Variants in WDSUB1 observed in about 807,000 individuals in gnomAD.
WDSUB1 encodes the protein WD repeat, sterile alpha motif and U-box domain containing 1.
A neutral mutation model predicts 53.9 loss-of-function variants in WDSUB1; 49 were observed. That is an observed-to-expected ratio of 0.91 (90% confidence interval 0.72 to 1.15). WDSUB1 has a LOEUF of 1.15. Ranked by LOEUF, WDSUB1 falls within the 50% of genes most tolerant of loss-of-function variation. The pLI is 0.00. For missense variants in WDSUB1, 514 were observed against 562.0 expected, an observed-to-expected ratio of 0.91 and a Z score of 0.86; for synonymous variants, 194 against 200.6, an observed-to-expected ratio of 0.97 and a Z score of 0.28.
intron 9 of WDSUB1, among the ~76,000 whole-genome samples, chr2:159,249,960 A>G (rs1041380901): frequency 2.0e-5 from 3 of 151,756 alleles, no homozygotes; most frequent in Admixed American, 6.6e-5. Context: ...GTGTTGGCAC[A>G]TGCCTGTAAT....
At chr2:159,245,344 G>A (rs1002962535) in intron 10 of WDSUB1, among the ~76,000 whole-genome samples, 17 of 151,806 alleles carry the variant, frequency 1.1e-4, no homozygotes, top group African/African-American at 1.5e-4. Context: ...CCTGACCAAC[G>A]TGGCGAAACC....
chr2:159,265,126 A>C (rs6725765), intron 5 of WDSUB1, among the ~76,000 whole-genome samples: 59,623 of 139,598 alleles, frequency 0.43, 13,436 homozygotes, highest in Non-Finnish European at 0.54. Flanking sequence ...ACAACAACAA[A>C]AAAAAACAAC....
chr2:159,249,638 G>T (rs2151071520), intron 9 of WDSUB1, among the ~76,000 whole-genome samples: 1 of 152,296 alleles, frequency 6.6e-6, no homozygotes, highest in East Asian at 1.9e-4. Flanking sequence ...GAGGGCAGAT[G>T]TTTCCTGACT....
chr2:159,236,346 C>A (rs2151024661), intron 10 of WDSUB1, among the ~76,000 whole-genome samples, 156 bp from the exon 11 acceptor site: 1 of 152,296 alleles, frequency 6.6e-6, no homozygotes, highest in Admixed American at 6.5e-5. Context: ...AATCTCTCTG[C>A]CACAACACCT....
rs754788976 is a variant in WDSUB1, at chr2:159,275,621, G to GTTCTCC, written c.600_601insGGAGAA (p.Leu200_Gln201insGlyGlu). On this transcript the variant is annotated inframe_insertion, in exon 4 of 11. Transcript: ENST00000359774. ...CCACATGATGCCAGTCGAAAAAACT[G>GTTCTCC]AAGACCTTGTTCTCCATCTAAAATT... 3.1e-6 allele frequency: 5 copies of GTTCTCC among 1,601,440 alleles called. No homozygotes were observed. The African/African-American group carries it at 6.8e-5, about 22-fold the overall frequency.
At chr2:159,248,961 G>T (rs142756379) in intron 9 of WDSUB1, among the ~76,000 whole-genome samples, 4 of 152,062 alleles carry the variant, frequency 2.6e-5, no homozygotes, top group African/African-American at 9.7e-5. Context: ...CTGTTTTACC[G>T]CATGAACTAT....
chr2:159,247,892 T>TATATATATATATAAAA (rs2060839449), intron 10 of WDSUB1, among the ~76,000 whole-genome samples: 1 of 28,368 alleles, frequency 3.5e-5, no homozygotes, highest in East Asian at 8.5e-4. Flanking sequence ...AATAAATATA[T>TATATATATATATAAAA]ATATATATAT....
chr2:159,272,669 A>T (rs2061467443), intron 4 of WDSUB1, among the ~76,000 whole-genome samples: 1 of 152,202 alleles, frequency 6.6e-6, no homozygotes, highest in Admixed American at 6.5e-5. Flanking sequence ...CAAAAGACTT[A>T]AAAAAATGCT....
At chr2:159,274,324 T>C (rs2061498104) in intron 4 of WDSUB1, among the ~76,000 whole-genome samples, 1 of 152,046 alleles carries the variant, frequency 6.6e-6, no homozygotes, top group South Asian at 2.1e-4. Flanking sequence ...AGAAACAAAC[T>C]GAGACACTGT....
At chr2:159,253,395 T>C (rs559051227) in intron 9 of WDSUB1, among the ~76,000 whole-genome samples, 60 of 152,222 alleles carry the variant, frequency 3.9e-4, no homozygotes, top group African/African-American at 1.4e-3. Context: ...AGAAAATGAC[T>C]ATTATCCTTG....
chr2:159,267,302 C>CT lies in WDSUB1; in HGVS notation c.770+4399dup, dbSNP rs34190249. Among the ~76,000 whole-genome samples the CT allele has an allele frequency of 4.6e-4, 67 of 145,866 alleles. 1 individual carries two copies. The highest frequency in any genetic ancestry group is 3.6e-3 in the Middle Eastern group (1 of 280). ...TCATTAGTACACCTCTTTTTTCTTT[C>CT]TTTTTTTTTTTTTAAAGAGACAAGT... On this transcript the variant is annotated intron_variant, in intron 5 of 10. Transcript: ENST00000359774.
chr2:159,262,603 G>A (rs566538210), intron 5 of WDSUB1, among the ~76,000 whole-genome samples: 11 of 152,128 alleles, frequency 7.2e-5, no homozygotes, highest in Non-Finnish European at 1.3e-4. Flanking sequence ...ACTTCCTATT[G>A]CCTTTAGTTT....
At chr2:159,266,252 G>A (rs929430364) in intron 5 of WDSUB1, among the ~76,000 whole-genome samples, 6 of 151,888 alleles carry the variant, frequency 4.0e-5, no homozygotes, top group African/African-American at 1.2e-4. Flanking sequence ...GTGGTGGCAC[G>A]ATCTGGACTC....
intron 3 of WDSUB1, among the ~76,000 whole-genome samples, chr2:159,276,833 T>C (rs981451989): frequency 2.0e-5 from 3 of 152,074 alleles, no homozygotes; most frequent in African/African-American, 7.2e-5. Flanking sequence ...TAAGACCCTG[T>C]CTCTACAAAA....
At chr2:159,250,298 G>A (rs1055504062) in intron 9 of WDSUB1, among the ~76,000 whole-genome samples, 6 of 152,056 alleles carry the variant, frequency 3.9e-5, no homozygotes, top group African/African-American at 1.4e-4. Context: ...AAATGAAACT[G>A]AGGATTTTTA....
intron 5 of WDSUB1, among the ~76,000 whole-genome samples, chr2:159,268,757 C>CTAA (rs2061392583): frequency 6.6e-6 from 1 of 152,106 alleles, no homozygotes; most frequent in African/African-American, 2.4e-5. Flanking sequence ...ATGTTCCAGC[C>CTAA]CATTGCCTAA....
At chr2:159,252,705 C>T (rs2060976364) in intron 9 of WDSUB1, among the ~76,000 whole-genome samples, 1 of 152,180 alleles carries the variant, frequency 6.6e-6, no homozygotes, top group African/African-American at 2.4e-5. Context: ...GTGAAATCTA[C>T]ATAACGAATT....
rs774536145 is a variant in WDSUB1, at chr2:159,257,860, C to CA, written c.849dup (p.Val284CysfsTer9). On this transcript the variant is annotated frameshift_variant, in exon 8 of 11. Coordinates refer to ENST00000359774, the MANE Select transcript of WDSUB1 (RefSeq NM_001128212.3). LOFTEE classifies it high-confidence loss of function. ...TTAGGTGCAAAAGCACAAGTTGTGA[C>CA]ATACCTAGTTAATAAAAACAACTAT... 1 of 1,613,782 alleles carries CA rather than the reference C, an allele frequency of 6.2e-7. No individual in the cohort carries two copies. The highest frequency in any genetic ancestry group is 1.3e-5 in the African/African-American group (1 of 74,904).
intron 10 of WDSUB1, among the ~76,000 whole-genome samples, chr2:159,238,866 A>T (rs1427093298): frequency 6.6e-6 from 1 of 152,174 alleles, no homozygotes; most frequent in Non-Finnish European, 1.5e-5. Context: ...TATGAAATGG[A>T]GAAAGCTGAT....
Sources: allele counts gnomAD v4.1 joint callset (sites outside exome capture counted in the v4.1 genomes callset), GRCh38; gene constraint gnomAD v4.1.1; transcripts MANE v1.5; gene names NCBI Gene and HGNC (gene_info 2026-07-23, HGNC 2026-07-21).